The following AHSA1 variants were observed in gnomAD, a reference collection of about 807,000 sequenced individuals.
AHSA1 encodes activator of HSP90 ATPase activity 1.
Under a neutral mutation model 46.1 loss-of-function variants are expected in AHSA1, and 14 were observed. The observed-to-expected ratio is 0.30, with a 90% CI of 0.20 to 0.47. The LOEUF is 0.47. AHSA1 is among the 20% of genes least tolerant of loss of function. AHSA1 has a pLI of 0.99. For synonymous variants in AHSA1, 147 were observed against 145.8 expected (o/e 1.01, Z -0.06); for missense variants, 333 against 415.9 (o/e 0.80, Z 1.73).
chr14:77,462,444 G>C (rs1474215508), intron 3 of AHSA1, 198 bp from the exon 4 acceptor site: 7 of 712,498 alleles, frequency 9.8e-6, no homozygotes, highest in Non-Finnish European at 1.7e-5. Context: ...ACTTTAGCTA[G>C]TGACATGGGT....
In AHSA1 at chr14:77,458,155, G is replaced by C. The variant is rs1313887495; in HGVS notation, c.-35G>C. The C allele has an allele frequency of 2.0e-6, 3 of 1,506,916 alleles. No individual in the cohort carries two copies. In the Admixed American group the frequency reaches 7.1e-5, roughly 36 times the overall value. 93.3% of individuals were successfully genotyped at this position (1,506,916 alleles called of 1,614,324 possible). A position where few individuals can be genotyped will look rare whatever the true frequency, so the allele number is the denominator to read the frequency against. On this transcript the variant is annotated 5_prime_UTR_variant, in exon 1 of 9. Coordinates refer to ENST00000216479, the MANE Select transcript of AHSA1 (RefSeq NM_012111.3). ...CGGTCCTGAGGCTGTGGCTACGGCTGCTCCGGAGCTGGTGGCGCCGCGATA... is the reference window on the plus strand; with the variant it reads ...CGGTCCTGAGGCTGTGGCTACGGCTCCTCCGGAGCTGGTGGCGCCGCGATA...
chr14:77,468,739 T>TAC (rs2079059768), intron 8 of AHSA1: 3 of 476,120 alleles, frequency 6.3e-6, no homozygotes, highest in South Asian at 3.0e-5. Flanking sequence ...TTTTTTTTTT[T>TAC]TTTTTTACTT....
In AHSA1 at chr14:77,468,198, G is replaced by A. The variant is rs1327831177; in HGVS notation, c.792+14G>A. Reference sequence around the variant, plus strand: ...TTTACTGATCTGGTGAGTACCTGCCGGCCCTAGACTCAGGTTATTGCCTCT... The same window carrying A: ...TTTACTGATCTGGTGAGTACCTGCCAGCCCTAGACTCAGGTTATTGCCTCT... On this transcript the variant is annotated intron_variant, in intron 7 of 8. Transcript: ENST00000216479. 7.3e-6 allele frequency: 11 copies of A among 1,513,938 alleles called. No individual in the cohort carries two copies. The highest frequency in any genetic ancestry group is 1.7e-4 in the Middle Eastern group (1 of 5,894). 93.8% of individuals were successfully genotyped at this position (1,513,938 alleles called of 1,614,324 possible).
chr14:77,462,792 A>G lies in AHSA1; in HGVS notation c.472+33A>G, dbSNP rs541251247. 44 of 1,574,186 alleles carry G rather than the reference A, an allele frequency of 2.8e-5. No individual in the cohort carries two copies. In the African/African-American group the frequency reaches 5.5e-4, roughly 20 times the overall value. ...TTGAGTAGTTCTGTATGCCTTAAGG[A>G]GGTAGTTTCCACCTGTTAGACTCTG... On this transcript the variant is annotated intron_variant, in intron 4 of 8. Coordinates refer to ENST00000216479, the MANE Select transcript of AHSA1 (RefSeq NM_012111.3).
chr14:77,469,404 C>A lies in AHSA1; in HGVS notation c.*155C>A. Reference sequence around the variant, plus strand: ...ACCTTGGGTTTGTGCATGTTTTCTGCTGGGTGGGTTCAGAGGGCAATTTCT... The same window carrying A: ...ACCTTGGGTTTGTGCATGTTTTCTGATGGGTGGGTTCAGAGGGCAATTTCT... On this transcript the variant is annotated 3_prime_UTR_variant, in exon 9 of 9. Transcript: ENST00000216479. 2 of 820,196 alleles carry A rather than the reference C, an allele frequency of 2.4e-6. No individual in the cohort carries two copies. Among genetic ancestry groups the A allele is most frequent in the Non-Finnish European group, 3.7e-6 (2 of 534,274 alleles). 50.8% of individuals were successfully genotyped at this position (820,196 alleles called of 1,614,324 possible).
Position 77,468,101 on chromosome 14 carries a change from C to G in AHSA1, c.709C>G (p.His237Asp), listed in dbSNP as rs1435017610. 2 of 1,515,774 alleles carry G rather than the reference C, an allele frequency of 1.3e-6. No individual in the cohort carries two copies. Among genetic ancestry groups the G allele is most frequent in the South Asian group, 2.4e-5 (2 of 82,142 alleles). 93.9% of individuals were successfully genotyped at this position (1,515,774 alleles called of 1,614,324 possible). ...CCTGCAGCTGGTGCAGGCCTTTACC[C>G]ATGCTCCTGCAACATTAGAAGCAGA... is the stretch of plus-strand genomic sequence containing the variant. ...TTQELVQAFT[H>D]APATLEADRG... The change falls in exon 7 of 9, where the codon CAT becomes GAT. Residue 237 changes from histidine to aspartate, a missense_variant. Transcript: ENST00000216479.
At chr14:77,459,520 C>T in intron 1 of AHSA1, 96 bp from the exon 2 acceptor site, 1 of 1,279,940 alleles carries the variant, frequency 7.8e-7, no homozygotes, top group Non-Finnish European at 1.1e-6. Context: ...TCTTTTCAAA[C>T]TATTTGTCAG....
upstream of AHSA1, chr14:77,458,000 G>A (rs2078992022): frequency 1.9e-6 from 1 of 535,774 alleles, no homozygotes; most frequent in Non-Finnish European, 3.2e-6. Flanking sequence ...GAGTTGGGAC[G>A]GAAGTAACCG....
intron 2 of AHSA1, among the ~76,000 whole-genome samples, chr14:77,461,650 AAC>A (rs1374941548): frequency 6.6e-6 from 1 of 152,232 alleles, no homozygotes; most frequent in East Asian, 1.9e-4. Flanking sequence ...TATGGCTCAC[AAC>A]ACACGCTGTA....
intron 8 of AHSA1, 25 bp downstream of exon 8, chr14:77,468,533 T>G (rs1170269564): frequency 2.5e-6 from 4 of 1,588,334 alleles, no homozygotes; most frequent in Non-Finnish European, 3.4e-6. Context: ...TTATTGCCAT[T>G]ACCCCCAGAA....
Position 77,469,232 on chromosome 14 carries a change from G to A in AHSA1, c.1000G>A (p.Gly334Ser). 1.2e-6 allele frequency: 2 copies of A among 1,613,950 alleles called. No individual in the cohort carries two copies. The highest frequency in any genetic ancestry group is 1.1e-5 in the South Asian group (1 of 91,078). The change falls in exon 9 of 9, where the codon GGC (glycine) becomes AGC (serine). Residue 334 changes from glycine to serine, a missense_variant. Physicochemically the swap from Gly to Ser is moderately conservative, Grantham distance 56. Transcript: ENST00000216479. ...GGGCATTAAACAGACCTTTGGCTATGGCGCACGCTTATTTTAGGGCCAGCG... is the reference window on the plus strand; with the variant it reads ...GGGCATTAAACAGACCTTTGGCTATAGCGCACGCTTATTTTAGGGCCAGCG... ...FEGIKQTFGY[G>S]ARLF is the part of the protein sequence containing the mutation.
intron 4 of AHSA1, among the ~76,000 whole-genome samples, chr14:77,464,360 C>T (rs2079038920): frequency 6.6e-6 from 1 of 151,934 alleles, no homozygotes; most frequent in Admixed American, 6.6e-5. Context: ...GGTGACAGAG[C>T]AAGACTCCAT....
intron 2 of AHSA1, among the ~76,000 whole-genome samples, chr14:77,460,876 T>C (rs897233543): frequency 2.0e-5 from 3 of 151,888 alleles, no homozygotes; most frequent in East Asian, 1.9e-4. Context: ...TAGATAAATA[T>C]AGGCCGGGCG....
In AHSA1 at chr14:77,463,331, A is replaced by G. The variant is rs557824696; in HGVS notation, c.472+572A>G. 2.0e-5 allele frequency among the ~76,000 whole-genome samples: 3 copies of G among 152,078 alleles called. No homozygotes were observed. In the South Asian group the frequency reaches 6.2e-4, roughly 32 times the overall value. On this transcript the variant is annotated intron_variant, in intron 4 of 8. Transcript: ENST00000216479. Reference sequence around the variant, plus strand: ...GGGCTGGGCACAGTGGCTCACACCTATAATCCCAGCCCTTTGGGAAGCCGA... The same window carrying G: ...GGGCTGGGCACAGTGGCTCACACCTGTAATCCCAGCCCTTTGGGAAGCCGA...
At position 77,459,535 on chromosome 14, in the gene AHSA1, C is replaced by A. The variant is rs1007339122; in HGVS notation, c.81-81C>A. The A allele has an allele frequency of 2.8e-6, 4 of 1,439,826 alleles. No individual in the cohort carries two copies. In the African/African-American group the frequency reaches 5.6e-5, roughly 20 times the overall value. 89.2% of individuals were successfully genotyped at this position (1,439,826 alleles called of 1,614,324 possible). A position where few individuals can be genotyped will look rare whatever the true frequency, so the allele number is the denominator to read the frequency against. On this transcript the variant is annotated intron_variant, in intron 1 of 8. Transcript: ENST00000216479. ...TCTTTTCAAACTATTTGTCAGGCCT[C>A]CTTTAACCTCGTATTCTCTTGCATA...
rs1265894386 is a variant in AHSA1 at position 77,464,600 on chromosome 14, T to C, written c.475T>C (p.Phe159Leu). The C allele has an allele frequency of 3.7e-6, 6 of 1,612,028 alleles. No homozygotes were observed. Among genetic ancestry groups the C allele is most frequent in the South Asian group, 1.1e-5 (1 of 90,586 alleles). ...GIYISTLKTE[F>L]TQGMILPTMN... ...GAGCTGGAATTTTATCTTTTCAGAG[T>C]TCACCCAGGGCATGATCTTACCTAC... Residue 159 changes from phenylalanine (F) to leucine (L), a missense_variant and splice_region_variant, in exon 5 of 9, where the codon TTC becomes CTC. Transcript: ENST00000216479.
intron 2 of AHSA1, among the ~76,000 whole-genome samples, chr14:77,461,508 C>T (rs1594938688): frequency 6.6e-6 from 1 of 152,018 alleles, no homozygotes; most frequent in Admixed American, 6.6e-5. Context: ...CCAGCCTGAG[C>T]GACAGAGCAA....
intron 6 of AHSA1, 46 bp from the exon 7 acceptor site, chr14:77,468,037 T>G: frequency 7.5e-7 from 1 of 1,335,506 alleles, no homozygotes; most frequent in Non-Finnish European, 1.0e-6. Context: ...CTGAAAGCCA[T>G]GTATCTTCTG....
chr14:77,462,364 G>A, intron 3 of AHSA1, 122 bp downstream of exon 3: 2 of 979,954 alleles, frequency 2.0e-6, no homozygotes, highest in Admixed American at 2.5e-5. Context: ...ACCCTAGCCT[G>A]CAGATAATTT....
Sources: allele counts gnomAD v4.1 joint callset (sites outside exome capture counted in the v4.1 genomes callset), GRCh38; gene constraint gnomAD v4.1.1; transcripts MANE v1.5; gene names NCBI Gene and HGNC (gene_info 2026-07-23, HGNC 2026-07-21).